The following MARF1 variants were observed in gnomAD, a reference collection of about 807,000 sequenced individuals.
MARF1 encodes the protein limkain-b1.
Under a neutral mutation model 168.2 loss-of-function variants are expected in MARF1, and 24 were observed. That is an observed-to-expected ratio of 0.14 (90% CI 0.10 to 0.20). The LOEUF (loss-of-function observed/expected upper bound fraction) is 0.20. Among genes scored for constraint, MARF1 ranks in the 10% least tolerant of loss-of-function variants. MARF1 has a pLI of 1.00. For synonymous variants in MARF1, 868 were observed against 822.4 expected (o/e 1.06, Z -0.95); for missense variants, 1,744 against 2,143.6 (o/e 0.81, Z 3.68).
rs2033681224 is a variant in MARF1 at position 15,612,774 on chromosome 16, G to C, written c.3257C>G (p.Pro1086Arg). 1 of 1,613,526 alleles carries C rather than the reference G, an allele frequency of 6.2e-7. No individual in the cohort carries two copies. Among genetic ancestry groups the C allele is most frequent in the Non-Finnish European group, 8.5e-7 (1 of 1,179,550 alleles). ...HNKPPPPNTD[P>R]WLLRSKSPVG... ...AGGACTCTTCGAACGCAGAAGCCAA[G>C]GGTCTAGAAGAAAAAGAACGTGTAT... is the stretch of plus-strand genomic sequence containing the variant. Residue 1086 changes from proline (P) to arginine (R), a missense_variant, in exon 17 of 27, where the codon CCT becomes CGT. Physicochemically the swap from Pro to Arg is moderately radical, Grantham distance 103 (BLOSUM62 -2). Around this residue, in one of 7 missense-constraint regions of MARF1, gnomAD observed 543 missense variants for 742.1 expected, o/e 0.73. Transcript: ENST00000396368.
intron 18 of MARF1, 81 bp downstream of exon 18, chr16:15,611,511 C>A: frequency 6.6e-5 from 61 of 930,832 alleles, no homozygotes; most frequent in Non-Finnish European, 8.4e-5. Flanking sequence ...AATAGAAATA[C>A]TAGATAACTA....
chr16:15,635,535 T>G (rs1309454961), intron 3 of MARF1, 121 bp downstream of exon 3: 1 of 862,098 alleles, frequency 1.2e-6, no homozygotes, highest in Non-Finnish European at 1.7e-6. Flanking sequence ...GATGGGGAGA[T>G]TCCCCTATAC....
chr16:15,617,397 T>C lies in MARF1; in HGVS notation c.2859A>G (p.Ser953=). 6.2e-7 allele frequency: 1 copy of C among 1,614,128 alleles called. No homozygotes were observed. The highest frequency in any genetic ancestry group is 8.5e-7 in the Non-Finnish European group (1 of 1,180,018). ...ARQSPLGSSQ[S]HDGSSTNCSP... ...TGCAATTCGTGGAGGAGCCGTCGTG[T>C]GACTGGGAAGACCCCAAGGGGCTCT... Residue 953 remains serine, a synonymous_variant, in exon 14 of 27, where the codon TCA becomes TCG. Transcript: ENST00000396368.
chr16:15,606,858 C>CCCACAGCCTCTAGCTGCTG (rs1307189366), intron 21 of MARF1, among the ~76,000 whole-genome samples: 2 of 152,288 alleles, frequency 1.3e-5, no homozygotes, highest in East Asian at 3.9e-4. Context: ...CTCCCTCAGC[C>CCCACAGCCTCTAGCTGCTG]CCACAGCCTC....
chr16:15,617,075 G>A lies in MARF1; in HGVS notation c.3054C>T (p.His1018=), dbSNP rs1310606906. 4.3e-6 allele frequency: 7 copies of A among 1,613,962 alleles called. No homozygotes were observed. The highest frequency in any genetic ancestry group is 1.3e-5 in the African/African-American group (1 of 75,008). The change falls in exon 15 of 27, where the codon CAC becomes CAT. Residue 1018 remains histidine, a synonymous_variant. Transcript: ENST00000396368. ...ACCTCAATAAAGGCACGGTGCCCTC[G>A]TGGGTCTGGAGAAGACTGTGAACCT... The part of the protein sequence containing the change: ...APQVHSLLQT[H]EGTVPLLSFP...
At chr16:15,597,998 A>G (rs906781264) in intron 26 of MARF1, among the ~76,000 whole-genome samples, 7 of 152,176 alleles carry the variant, frequency 4.6e-5, no homozygotes, top group African/African-American at 1.7e-4. Flanking sequence ...AAGATGGTAA[A>G]AGCCAAGCCA....
At chr16:15,608,651 G>T in intron 20 of MARF1, 133 bp from the exon 21 acceptor site, 1 of 648,202 alleles carries the variant, frequency 1.5e-6, no homozygotes, top group Non-Finnish European at 2.7e-6. Context: ...TTTCAGTTGT[G>T]TAAGATGAAA....
intron 18 of MARF1, 52 bp from the exon 19 acceptor site, chr16:15,611,160 AG>A: frequency 1.3e-6 from 2 of 1,582,074 alleles, no homozygotes; most frequent in Non-Finnish European, 1.7e-6. Context: ...CATCGGTAGA[AG>A]AACTACAAGT....
intron 16 of MARF1, among the ~76,000 whole-genome samples, chr16:15,613,688 TA>T (rs148474083): frequency 1.2e-4 from 17 of 143,990 alleles, no homozygotes; most frequent in East Asian, 2.0e-4. Context: ...AATAAATAAA[TA>T]AAATAAAATA....
intron 1 of MARF1, among the ~76,000 whole-genome samples, 153 bp from the exon 2 acceptor site, chr16:15,639,444 AG>A (rs1461661197): frequency 1.3e-5 from 2 of 152,218 alleles, no homozygotes; most frequent in East Asian, 3.8e-4. Flanking sequence ...TCTGTCGCCC[AG>A]GCTGGCATGC....
At position 15,633,604 on chromosome 16, in the gene MARF1, T is replaced by A. The variant is rs534839599; in HGVS notation, c.1233+13A>T. On this transcript the variant is annotated intron_variant, in intron 5 of 26. Transcript: ENST00000396368. Reference sequence around the variant, plus strand: ...CTACTGTAGATTAAAATTATTAAATTTTTTTTTTTTACCTGGCAATTATTC... The same window carrying A: ...CTACTGTAGATTAAAATTATTAAATATTTTTTTTTTACCTGGCAATTATTC... 375 of 878,062 alleles carry A rather than the reference T, an allele frequency of 4.3e-4. 4 individuals are homozygous for A. The South Asian group carries it at 7.7e-3, about 18-fold the overall frequency. The allele number at this position is 878,062 out of a possible 1,614,324, so 54.4% of individuals were successfully genotyped here.
intron 7 of MARF1, among the ~76,000 whole-genome samples, chr16:15,629,641 C>G (rs373093449): frequency 5.9e-5 from 9 of 152,336 alleles, no homozygotes; most frequent in African/African-American, 2.2e-4. Context: ...GCTCCTTCTC[C>G]ATTATCATTA....
At position 15,621,744 on chromosome 16, in the gene MARF1, G is replaced by C. The variant is rs541950610; in HGVS notation, c.2628C>G (p.Leu876=). 5.0e-6 allele frequency: 8 copies of C among 1,614,078 alleles called. No homozygotes were observed. Among genetic ancestry groups the C allele is most frequent in the East Asian group, 4.5e-5 (2 of 44,886 alleles). The change falls in exon 12 of 27, where the codon CTC becomes CTG. Residue 876 remains leucine (L), a synonymous_variant. Coordinates refer to ENST00000396368, the MANE Select transcript of MARF1 (RefSeq NM_014647.4). ...TGCTTGTTTCTTACCTCAGTAAAGA[G>C]AGTGATTTGCTGGCAGCCCCGGTGG... The part of the protein sequence containing the change: ...SLATGAASKS[L]SLLSAETMSV...
chr16:15,624,996 GA>G lies in MARF1; in HGVS notation c.2111+19del. ...CTTCACATTCAAGAAGCAGCTATGA[GA>G]AAGAGTAGTTTCACATACTTCTGAC... is the stretch of plus-strand genomic sequence containing the variant. On this transcript the variant is annotated intron_variant, in intron 9 of 26. Coordinates refer to ENST00000396368, the MANE Select transcript of MARF1 (RefSeq NM_014647.4). 1 of 1,613,868 alleles carries G rather than the reference GA, an allele frequency of 6.2e-7. No homozygotes were observed. Among genetic ancestry groups the G allele is most frequent in the Non-Finnish European group, 8.5e-7 (1 of 1,179,748 alleles).
chr16:15,633,175 C>CCACACACACACACACACACA (rs140240605), intron 5 of MARF1, among the ~76,000 whole-genome samples: 17 of 136,960 alleles, frequency 1.2e-4, no homozygotes, highest in Middle Eastern at 3.7e-3. Context: ...AAAAAAAACA[C>CCACACACACACACACACACA]CACACACACA....
chr16:15,608,417 A>G lies in MARF1; in HGVS notation c.4056T>C (p.Asp1352=). The change falls in exon 21 of 27, where the codon GAT becomes GAC. Residue 1352 remains aspartate, a synonymous_variant. Transcript: ENST00000396368. ...QFVKLLRSQK[D]NCLMMTDLLT... The stretch of plus-strand genomic sequence containing the variant: ...GGAGATCTGTCATCATAAGGCAGTT[A>G]TCTTTTTGGGACCGAAGGAGTTTAA... The G allele has an allele frequency of 1.2e-6, 2 of 1,614,154 alleles. No homozygotes were observed. Among genetic ancestry groups the G allele is most frequent in the East Asian group, 2.2e-5 (1 of 44,878 alleles).
At chr16:15,611,782 C>A (rs750592436) in intron 17 of MARF1, 48 bp from the exon 18 acceptor site, 21 of 1,530,342 alleles carry the variant, frequency 1.4e-5, no homozygotes, top group Middle Eastern at 1.8e-4. Flanking sequence ...CAGCAGACAG[C>A]GACTTCCTTG....
chr16:15,614,306 C>A (rs2033854516), intron 16 of MARF1, among the ~76,000 whole-genome samples: 1 of 149,366 alleles, frequency 6.7e-6, no homozygotes, highest in African/African-American at 2.5e-5. Flanking sequence ...CACGGTGAAA[C>A]CCTGTCTCTA....
chr16:15,602,742 T>C (rs1193835974), intron 22 of MARF1: 1 of 436,846 alleles, frequency 2.3e-6, no homozygotes, highest in Admixed American at 2.6e-5. Context: ...GCTGCAGCGG[T>C]CTGAAGAGAC....
Sources: allele counts gnomAD v4.1 joint callset (sites outside exome capture counted in the v4.1 genomes callset), GRCh38; gene constraint gnomAD v4.1.1; regional missense constraint gnomAD v4.1.1; transcripts MANE v1.5; gene names NCBI Gene and HGNC (gene_info 2026-07-23, HGNC 2026-07-21).